Variants in RBM20 observed in about 807,000 individuals in gnomAD.
RBM20 encodes RNA binding motif protein 20, also known as RNA-binding protein 20.
Under a neutral mutation model 110.1 loss-of-function variants are expected in RBM20, and 51 were observed. That is an observed-to-expected ratio of 0.46 (90% CI 0.37 to 0.59). RBM20 has a LOEUF of 0.59. Among genes scored for constraint, RBM20 ranks in the 20% least tolerant of loss-of-function variants. RBM20 has a pLI of 0.00. For synonymous variants in RBM20, 589 were observed against 618.2 expected (o/e 0.95, Z 0.70); for missense variants, 1,512 against 1,574.9 (o/e 0.96, Z 0.68).
intron 13 of RBM20, among the ~76,000 whole-genome samples, chr10:110,833,469 G>A (rs928779141): frequency 2.6e-5 from 4 of 151,164 alleles, no homozygotes; most frequent in African/African-American, 9.8e-5. Context: ...GGCTGGGCCT[G>A]AGAGTCTGTA....
chr10:110,702,988 C>CT (rs1564820096), intron 1 of RBM20, among the ~76,000 whole-genome samples: 1 of 126,862 alleles, frequency 7.9e-6, no homozygotes, highest in Non-Finnish European at 1.6e-5. Context: ...GGTTTTTTTT[C>CT]TTGTTTTTTT....
chr10:110,829,697 G>A (rs1245622067), intron 12 of RBM20, among the ~76,000 whole-genome samples: 1 of 152,210 alleles, frequency 6.6e-6, no homozygotes, highest in Non-Finnish European at 1.5e-5. Flanking sequence ...GTCCTGGGAG[G>A]TGGGAGGAGG....
chr10:110,834,781 AGT>A (rs1414859926), intron 13 of RBM20, among the ~76,000 whole-genome samples: 1 of 152,212 alleles, frequency 6.6e-6, no homozygotes, highest in Non-Finnish European at 1.5e-5. Context: ...CTCCTAATCC[AGT>A]GCTCTTTGCC....
chr10:110,821,544 A>G lies in RBM20; in HGVS notation c.2925A>G (p.Glu975=). 1 of 1,551,596 alleles carries G rather than the reference A, an allele frequency of 6.4e-7. No individual in the cohort carries two copies. ...AGGCCGTAGGGAATGGGGCTGCAGA[A>G]ATCAGCCTCAAGTCACCCAGAGAAC... is the stretch of plus-strand genomic sequence containing the variant. The part of the protein sequence containing the change: ...GVKAVGNGAA[E]ISLKSPRELP... The change falls in exon 11 of 14, where the codon GAA becomes GAG. Residue 975 remains glutamate (E), a synonymous_variant. Coordinates refer to ENST00000369519, the MANE Select transcript of RBM20 (RefSeq NM_001134363.3).
At chr10:110,756,827 T>C (rs1284824799) in intron 1 of RBM20, 1 of 152,246 alleles carries the variant, frequency 6.6e-6, no homozygotes, top group Non-Finnish European at 1.5e-5. Flanking sequence ...TTTGAATTAA[T>C]AAAACTTAGA....
intron 1 of RBM20, among the ~76,000 whole-genome samples, chr10:110,759,247 C>T (rs1479408067): frequency 6.6e-6 from 1 of 152,162 alleles, no homozygotes; most frequent in Non-Finnish European, 1.5e-5. Context: ...ACCATGGCTC[C>T]TTCAAGGTGT....
At chr10:110,808,014 C>T (rs1347420278) in intron 7 of RBM20, among the ~76,000 whole-genome samples, 1 of 152,256 alleles carries the variant, frequency 6.6e-6, no homozygotes, top group Non-Finnish European at 1.5e-5. Context: ...TGCTGCTCCC[C>T]TGGTGCCTGT....
chr10:110,692,796 A>G (rs1047566163), intron 1 of RBM20, among the ~76,000 whole-genome samples: 3 of 152,164 alleles, frequency 2.0e-5, no homozygotes, highest in African/African-American at 7.2e-5. Context: ...GAAGTGGAGA[A>G]AGCAAGCATT....
chr10:110,651,693 C>T (rs1345177106), intron 1 of RBM20, among the ~76,000 whole-genome samples: 4 of 152,152 alleles, frequency 2.6e-5, no homozygotes, highest in East Asian at 1.9e-4. Flanking sequence ...ACTCCTGAAC[C>T]GTGACGCACA....
rs112250594 is a variant in RBM20 at position 110,751,482 on chromosome 10, AAGAGAAATGACCCC to A, written c.192-29316_192-29303del. Among the ~76,000 whole-genome samples, 412 of 152,314 alleles carry A rather than the reference AAGAGAAATGACCCC, an allele frequency of 2.7e-3. 1 individual carries two copies. Among genetic ancestry groups the A allele is most frequent in the African/African-American group, 8.8e-3 (364 of 41,562 alleles). ...TTGCCTAAGTCACTATATTTCCTAAAAGAGAAATGACCCCAGTCCTTGCCTTTCCTACACATAAA... is the reference window on the plus strand; with the variant it reads ...TTGCCTAAGTCACTATATTTCCTAAAAGTCCTTGCCTTTCCTACACATAAA... On this transcript the variant is annotated intron_variant, in intron 1 of 13. Transcript: ENST00000369519.
intron 12 of RBM20, among the ~76,000 whole-genome samples, chr10:110,827,575 T>A (rs1381594535): frequency 6.6e-6 from 1 of 152,210 alleles, no homozygotes; most frequent in East Asian, 1.9e-4. Context: ...ACCTACTGGC[T>A]GGATGACAAA....
At chr10:110,831,422 G>A in intron 13 of RBM20, 1 of 425,460 alleles carries the variant, frequency 2.4e-6, no homozygotes, top group Non-Finnish European at 4.3e-6. Flanking sequence ...ATTCCATCAG[G>A]CTGCTCTCGA....
In RBM20 at chr10:110,837,702, G is replaced by T. The variant is rs1433215717; in HGVS notation, c.*1724G>T. The T allele has an allele frequency of 6.6e-6, 1 of 152,222 alleles. No individual in the cohort carries two copies. The highest frequency in any genetic ancestry group is 1.5e-5 in the Non-Finnish European group (1 of 68,070). The allele number at this position is 152,222 out of a possible 1,614,324, so 9.4% of individuals were successfully genotyped here. On this transcript the variant is annotated 3_prime_UTR_variant, in exon 14 of 14. Transcript: ENST00000369519. ...ATCAGGTAACTGAGGCACACAAAGGGAACAAATGAAGAACATAAAATGATC... is the reference window on the plus strand; with the variant it reads ...ATCAGGTAACTGAGGCACACAAAGGTAACAAATGAAGAACATAAAATGATC...
rs998299510 is a variant in RBM20, at chr10:110,742,172, C to T, written c.192-38629C>T. On this transcript the variant is annotated intron_variant, in intron 1 of 13. Coordinates refer to ENST00000369519, the MANE Select transcript of RBM20 (RefSeq NM_001134363.3). ...AGTCCCTTCCTGACCTGATGTTCTG[C>T]GATTCTGCCAGAGGAATCTGCTCTC... is the stretch of plus-strand genomic sequence containing the variant. 2.6e-5 allele frequency among the ~76,000 whole-genome samples: 4 copies of T among 152,180 alleles called. No individual in the cohort carries two copies. The East Asian group carries it at 5.8e-4, about 22-fold the overall frequency.
chr10:110,838,046 A>G lies in RBM20; in HGVS notation c.*2068A>G, dbSNP rs558102433. On this transcript the variant is annotated 3_prime_UTR_variant, in exon 14 of 14. Coordinates refer to ENST00000369519, the MANE Select transcript of RBM20 (RefSeq NM_001134363.3). The stretch of plus-strand genomic sequence containing the variant: ...GAATAGCCAAATCCCCAAACAGGCC[A>G]GTTTTAACCAGCATGATGAAGTGTC... 1 of 152,360 alleles carries G rather than the reference A, an allele frequency of 6.6e-6. No individual in the cohort carries two copies. The highest frequency in any genetic ancestry group is 1.9e-4 in the East Asian group (1 of 5,192). 9.4% of individuals were successfully genotyped at this position (152,360 alleles called of 1,614,324 possible).
chr10:110,707,104 C>A (rs1415750840), intron 1 of RBM20, among the ~76,000 whole-genome samples: 1 of 152,130 alleles, frequency 6.6e-6, no homozygotes, highest in Non-Finnish European at 1.5e-5. Context: ...TTTAATCTGC[C>A]AAGTGATAAG....
chr10:110,644,782 TG>T lies in RBM20; in HGVS notation c.191+140del. On this transcript the variant is annotated intron_variant, in intron 1 of 13. Coordinates refer to ENST00000369519, the MANE Select transcript of RBM20 (RefSeq NM_001134363.3). This position sits in a 1 kb window ranked among gnomAD's most constrained non-coding sequence, Gnocchi z 4.3. ...GTTTGAAGTTTTCTCGTACCCCCTC[TG>T]GGCAGAGTCGGTGTCCTTCTGGCTG... is the stretch of plus-strand genomic sequence containing the variant. The T allele has an allele frequency of 1.6e-6, 1 of 622,748 alleles. No individual in the cohort carries two copies. The allele number at this position is 622,748 out of a possible 1,614,324, so 38.6% of individuals were successfully genotyped here.
chr10:110,721,416 T>A (rs934741889), intron 1 of RBM20, among the ~76,000 whole-genome samples: 7 of 152,032 alleles, frequency 4.6e-5, no homozygotes, highest in African/African-American at 1.7e-4. Context: ...GGCCTCGGAG[T>A]GGGCAGTGTG....
intron 1 of RBM20, among the ~76,000 whole-genome samples, chr10:110,655,560 A>G (rs1243418352): frequency 6.6e-6 from 1 of 152,218 alleles, no homozygotes; most frequent in Non-Finnish European, 1.5e-5. Flanking sequence ...TCAGAAAACC[A>G]GGATTCTGCA....
Sources: gnomAD v4.1 joint callset for allele counts (sites outside exome capture counted in the v4.1 genomes callset) on GRCh38, gnomAD v4.1.1 for gene constraint, Gnocchi (gnomAD v3.1) non-coding constraint, MANE v1.5 for transcripts, NCBI Gene and HGNC (gene_info 2026-07-23, HGNC 2026-07-21) for gene names.